Variants in CENPT observed in about 807,000 individuals in gnomAD.
CENPT encodes the protein centromere protein T.
CENPT carries 42 observed loss-of-function variants against 59.7 expected under a neutral mutation model. The ratio of observed to expected loss-of-function variants is 0.70; its 90% confidence interval spans 0.55 to 0.91. The LOEUF (loss-of-function observed/expected upper bound fraction) is 0.91. CENPT is among the 40% of genes least tolerant of loss of function. The probability of loss-of-function intolerance (pLI) is 0.00; values close to 1 mark genes in which losing one functional copy is unlikely to be tolerated. For missense variants in CENPT, 716 were observed against 713.4 expected, an observed-to-expected ratio of 1.00 and a Z score of -0.04; for synonymous variants, 295 against 289.6, an observed-to-expected ratio of 1.02 and a Z score of -0.19.
chr16:67,837,204 G>A (rs1031145030), intron 1 of CENPT, among the ~76,000 whole-genome samples: 7 of 149,370 alleles, frequency 4.7e-5, no homozygotes, highest in East Asian at 2.0e-4. Context: ...ACAGGGTCTC[G>A]CTCTGTCACC....
intron 1 of CENPT, among the ~76,000 whole-genome samples, chr16:67,845,271 T>G (rs1892970635): frequency 1.3e-5 from 2 of 152,168 alleles, no homozygotes; most frequent in Admixed American, 1.3e-4. Flanking sequence ...CCCTTCTCTT[T>G]CTTACTTATG....
In CENPT at chr16:67,828,488, C is replaced by T; in HGVS notation, c.1548G>A (p.Glu516=). ...GRKTVKPEDL[E]LLMRRQGLVT... Reference sequence around the variant, plus strand: ...CGCCTTCTCACCGCCGCATCAGCAGCTCCAGGTCCTCTGGCTTCACAGTCT... The same window carrying T: ...CGCCTTCTCACCGCCGCATCAGCAGTTCCAGGTCCTCTGGCTTCACAGTCT... The change falls in exon 15 of 16, where the codon GAG becomes GAA. Residue 516 remains glutamate, a synonymous_variant. Transcript: ENST00000562787. The T allele has an allele frequency of 6.2e-7, 1 of 1,614,266 alleles. No individual in the cohort carries two copies. Among genetic ancestry groups the T allele is most frequent in the African/African-American group, 1.3e-5 (1 of 75,074 alleles).
At chr16:67,832,733 C>A (rs891613680) in intron 4 of CENPT, among the ~76,000 whole-genome samples, 188 bp from the exon 5 acceptor site, 1 of 152,098 alleles carries the variant, frequency 6.6e-6, no homozygotes, top group African/African-American at 2.4e-5. Flanking sequence ...CCGAAGAAGA[C>A]CCCTGGGGTA....
chr16:67,831,602 C>T lies in CENPT; in HGVS notation c.534G>A (p.Gly178=), dbSNP rs1453105536. The change falls in exon 9 of 16, where the codon GGG becomes GGA. Residue 178 remains glycine (G), a synonymous_variant. Coordinates refer to ENST00000562787, the MANE Select transcript of CENPT (RefSeq NM_025082.4). ...TGGTGAGGGAAGAGGCATCAGCATT[C>T]CCTTGAGGCTCTGTCAGCAACCGGC... is the stretch of plus-strand genomic sequence containing the variant. The part of the protein sequence containing the change: ...QGLSLSQEPQ[G]NADASSLTRS... The T allele has an allele frequency of 6.2e-7, 1 of 1,614,136 alleles. No homozygotes were observed. Among genetic ancestry groups the T allele is most frequent in the Admixed American group, 1.7e-5 (1 of 60,010 alleles).
intron 3 of CENPT, 44 bp from the exon 4 acceptor site, chr16:67,834,144 GA>G: frequency 5.7e-6 from 2 of 352,658 alleles, no homozygotes; most frequent in Admixed American, 9.6e-5. Flanking sequence ...AGCTTGTAAT[GA>G]TTCAAGGAGT....
At position 67,828,247 on chromosome 16, in the gene CENPT, A is replaced by G. The variant is rs2057619822; in HGVS notation, c.*20T>C. ...CAAGAGTCCCCAGGTGGGGACAGGGAAAGTGTTGAAGCCTGGCCACTACTG... is the reference window on the plus strand; with the variant it reads ...CAAGAGTCCCCAGGTGGGGACAGGGGAAGTGTTGAAGCCTGGCCACTACTG... On this transcript the variant is annotated 3_prime_UTR_variant, in exon 16 of 16. Coordinates refer to ENST00000562787, the MANE Select transcript of CENPT (RefSeq NM_025082.4). 1.9e-6 allele frequency: 3 copies of G among 1,561,066 alleles called. No homozygotes were observed. Among genetic ancestry groups the G allele is most frequent in the Non-Finnish European group, 1.7e-6 (2 of 1,152,312 alleles).
In CENPT at chr16:67,842,642, G is replaced by A; in HGVS notation, c.-492+4759C>T. 1 of 1,555,328 alleles carries A rather than the reference G, an allele frequency of 6.4e-7. No individual in the cohort carries two copies. The highest frequency in any genetic ancestry group is 8.7e-7 in the Non-Finnish European group (1 of 1,149,074). The stretch of plus-strand genomic sequence containing the variant: ...GCACTTCTACACGTTTCCAAAGGAC[G>A]CTGAGTTGCGGCGCCTCTGGCTCAA... On this transcript the variant is annotated intron_variant, in intron 1 of 15. Transcript: ENST00000562787. This position sits in a 1 kb window ranked among gnomAD's most constrained non-coding sequence, Gnocchi z 4.9.
rs202192558 is a variant in CENPT at position 67,832,017 on chromosome 16, G to A, written c.381C>T (p.Cys127=). The A allele has an allele frequency of 5.8e-5, 93 of 1,600,982 alleles. No individual in the cohort carries two copies. In the East Asian group the frequency reaches 9.6e-4, roughly 17 times the overall value. The stretch of plus-strand genomic sequence containing the variant: ...GGTGGGGGAGTTCTGTGTACCTGCC[G>A]CAACTGCTCTCTTGTCTGGAGGGTT... ...AVQPSRQESS[C]GSLELQLPEL... The change falls in exon 7 of 16, where the codon TGC becomes TGT. Residue 127 remains cysteine (C), a synonymous_variant. Coordinates refer to ENST00000562787, the MANE Select transcript of CENPT (RefSeq NM_025082.4).
chr16:67,842,862 GGCA>G lies in CENPT; in HGVS notation c.-492+4536_-492+4538del, dbSNP rs754326743. 1.2e-6 allele frequency: 2 copies of G among 1,608,016 alleles called. No individual in the cohort carries two copies. Among genetic ancestry groups the G allele is most frequent in the East Asian group, 2.2e-5 (1 of 44,502 alleles). ...GCTGGGGCCGCGGCCGCCCGCCGCA[GGCA>G]GCAGCAGCAACAGCAGCAGCAGCAG... On this transcript the variant is annotated intron_variant, in intron 1 of 15. Transcript: ENST00000562787. The surrounding 1 kb of genome is among the most constrained non-coding windows in gnomAD (Gnocchi z 4.9).
At chr16:67,829,568 C>G (rs762374964) in intron 12 of CENPT, 52 bp from the exon 13 acceptor site, 2 of 1,499,904 alleles carry the variant, frequency 1.3e-6, no homozygotes, top group African/African-American at 2.8e-5. Context: ...ACCATCTCAC[C>G]CAGGCCAGCA....
intron 1 of CENPT, among the ~76,000 whole-genome samples, chr16:67,836,022 C>A (rs900749916): frequency 6.6e-6 from 1 of 151,506 alleles, no homozygotes. Flanking sequence ...GGATTACAGG[C>A]GTGAGCCATG....
At chr16:67,829,356 A>G (rs764699189) in intron 13 of CENPT, 67 bp downstream of exon 13, 9 of 1,279,106 alleles carry the variant, frequency 7.0e-6, no homozygotes, top group Non-Finnish European at 9.8e-6. Context: ...GGAGGACCCT[A>G]TGTACACAGC....
At chr16:67,828,599 G>A in intron 14 of CENPT, 21 bp from the exon 15 acceptor site, 4 of 1,613,940 alleles carry the variant, frequency 2.5e-6, no homozygotes, top group Middle Eastern at 1.6e-4. Flanking sequence ...GGTGGGGATA[G>A]AGCAGGCTGA....
chr16:67,843,104 G>T lies in CENPT; in HGVS notation c.-492+4297C>A. On this transcript the variant is annotated intron_variant, in intron 1 of 15. Transcript: ENST00000562787. This position sits in a 1 kb window ranked among gnomAD's most constrained non-coding sequence, Gnocchi z 5.7. ...GGCGCCCATCACTCCCACTGGAGAA[G>T]ACGTGAAGCCCATCGATCTCACAGT... The T allele has an allele frequency of 1.9e-6, 3 of 1,610,964 alleles. No individual in the cohort carries two copies. In the East Asian group the frequency reaches 6.7e-5, roughly 36 times the overall value.
rs144209367 is a variant in CENPT, at chr16:67,836,731, G to A, written c.-491-1073C>T. Reference sequence around the variant, plus strand: ...TGGGATTACAGGCATGTGCCACCACGCATGGCTGATTTTGTATTTTTAGTA... The same window carrying A: ...TGGGATTACAGGCATGTGCCACCACACATGGCTGATTTTGTATTTTTAGTA... On this transcript the variant is annotated intron_variant, in intron 1 of 15. Coordinates refer to ENST00000562787, the MANE Select transcript of CENPT (RefSeq NM_025082.4). 2.6e-4 allele frequency among the ~76,000 whole-genome samples: 40 copies of A among 152,096 alleles called. No individual in the cohort carries two copies. In the East Asian group the frequency reaches 7.2e-3, roughly 27 times the overall value.
Position 67,842,961 on chromosome 16 carries a change from C to T in CENPT, c.-492+4440G>A. On this transcript the variant is annotated intron_variant, in intron 1 of 15. Coordinates refer to ENST00000562787, the MANE Select transcript of CENPT (RefSeq NM_025082.4). This position sits in a 1 kb window ranked among gnomAD's most constrained non-coding sequence, Gnocchi z 4.9. ...CAGCAGCAGCAGCAGTCCTCACCCT[C>T]TGCCTCCACTGCCCAGACTGCCCAG... The T allele has an allele frequency of 7.5e-6, 12 of 1,606,296 alleles. No homozygotes were observed. Among genetic ancestry groups the T allele is most frequent in the Non-Finnish European group, 9.3e-6 (11 of 1,176,730 alleles).
chr16:67,836,478 C>T (rs1392081885), intron 1 of CENPT, among the ~76,000 whole-genome samples: 4 of 150,612 alleles, frequency 2.7e-5, no homozygotes. Flanking sequence ...GCTTTGTTGC[C>T]CAGGCTGGAG....
chr16:67,829,475 C>T lies in CENPT; in HGVS notation c.1228G>A (p.Ala410Thr). ...TCAAGAAACTGATGATGTCGCCTGGCCTGGAGAGACTCAGGGGTGCTGGAG... is the reference window on the plus strand; with the variant it reads ...TCAAGAAACTGATGATGTCGCCTGGTCTGGAGAGACTCAGGGGTGCTGGAG... ...SASSTPESLQ[A>T]RRHHQFLEPA... is the part of the protein sequence containing the mutation. The change falls in exon 13 of 16, where the codon GCC becomes ACC. Residue 410 changes from alanine (A) to threonine (T), a missense_variant. Physicochemically the swap from Ala to Thr is moderately conservative, Grantham distance 58. Coordinates refer to ENST00000562787, the MANE Select transcript of CENPT (RefSeq NM_025082.4). 2 of 1,588,230 alleles carry T rather than the reference C, an allele frequency of 1.3e-6. No individual in the cohort carries two copies. Among genetic ancestry groups the T allele is most frequent in the Non-Finnish European group, 1.7e-6 (2 of 1,173,552 alleles).
chr16:67,845,061 T>G (rs1162831321), intron 1 of CENPT, among the ~76,000 whole-genome samples: 2 of 152,180 alleles, frequency 1.3e-5, no homozygotes, highest in African/African-American at 2.4e-5. Context: ...GTACTGAGAT[T>G]ACAGGTGTGA....
Sources: allele counts gnomAD v4.1 joint callset (sites outside exome capture counted in the v4.1 genomes callset), GRCh38; gene constraint gnomAD v4.1.1; non-coding constraint Gnocchi (gnomAD v3.1); transcripts MANE v1.5; gene names NCBI Gene and HGNC (gene_info 2026-07-23, HGNC 2026-07-21).